EFHC1: variants seen among roughly 807,000 people sequenced by gnomAD.
EFHC1 encodes the protein EF-hand domain-containing protein 1.
EFHC1 carries 53 observed loss-of-function variants against 69.9 expected under a neutral mutation model. That is an observed-to-expected ratio of 0.76 (90% confidence interval 0.61 to 0.95). EFHC1 has a LOEUF of 0.95. Ranked by LOEUF, EFHC1 falls within the 40% of genes least tolerant of loss-of-function variation. The pLI is 0.00. For missense variants in EFHC1, 739 were observed against 798.7 expected, an observed-to-expected ratio of 0.93 and a Z score of 0.90; for synonymous variants, 256 against 278.4, an observed-to-expected ratio of 0.92 and a Z score of 0.80.
intron 5 of EFHC1, among the ~76,000 whole-genome samples, chr6:52,462,975 AACTT>A (rs1581836819): frequency 6.6e-6 from 1 of 151,986 alleles, no homozygotes; most frequent in East Asian, 1.9e-4. Context: ...TAAATTTAAA[AACTT>A]AGGTAAAATG....
intron 9 of EFHC1, chr6:52,489,552 C>T (rs1562465733): frequency 6.4e-6 from 1 of 155,530 alleles, no homozygotes; most frequent in Non-Finnish European, 1.4e-5. Context: ...CTCTTCCCAA[C>T]ACCCTGTGTT....
At chr6:52,430,199 T>C (rs1420843074) in intron 2 of EFHC1, 1 of 152,208 alleles carries the variant, frequency 6.6e-6, no homozygotes, top group East Asian at 1.9e-4. Context: ...GACCTTTATT[T>C]CTTTCTGTTG....
At chr6:52,431,174 T>C (rs1406753655) in intron 2 of EFHC1, among the ~76,000 whole-genome samples, 1 of 152,156 alleles carries the variant, frequency 6.6e-6, no homozygotes, top group Non-Finnish European at 1.5e-5. Context: ...TCTTTTGTTT[T>C]TTTTGTTTGT....
chr6:52,455,170 T>G (rs1454852677), intron 5 of EFHC1, among the ~76,000 whole-genome samples: 1 of 152,166 alleles, frequency 6.6e-6, no homozygotes, highest in African/African-American at 2.4e-5. Context: ...TGTTCACTGT[T>G]TCCTGGGATG....
At position 52,475,008 on chromosome 6, in the gene EFHC1, G is replaced by GTT. The variant is rs111411625; in HGVS notation, c.1279-4018_1279-4017dup. Among the ~76,000 whole-genome samples the GTT allele has an allele frequency of 2.2e-3, 313 of 141,278 alleles. 1 individual carries two copies. The highest frequency in any genetic ancestry group is 4.7e-3 in the African/African-American group (185 of 39,100). The allele number at this position is 141,278 out of a possible 152,430, so 92.7% of individuals were successfully genotyped here. On this transcript the variant is annotated intron_variant, in intron 7 of 10. Transcript: ENST00000371068. ...TTTGATATTTTTATTGTTGTTTTGG[G>GTT]TTTTTTTTTTTTGCAGTTTTCTCTC... is the stretch of plus-strand genomic sequence containing the variant.
intron 4 of EFHC1, 34 bp from the exon 5 acceptor site, chr6:52,454,061 G>A (rs879191258): frequency 1.2e-6 from 2 of 1,611,420 alleles, no homozygotes; most frequent in Non-Finnish European, 1.7e-6. Context: ...CCTACTTTTA[G>A]GATTCTTGAG....
intron 2 of EFHC1, among the ~76,000 whole-genome samples, chr6:52,425,035 TTTA>T (rs1299741544): frequency 6.6e-6 from 1 of 152,188 alleles, no homozygotes; most frequent in Non-Finnish European, 1.5e-5. Context: ...CCAGCCAACT[TTTA>T]TTGAGTACCT....
intron 9 of EFHC1, among the ~76,000 whole-genome samples, chr6:52,489,744 A>G (rs866083561): frequency 2.0e-5 from 3 of 152,224 alleles, no homozygotes; most frequent in Admixed American, 6.5e-5. Flanking sequence ...ATTTATATCT[A>G]TCATCTCTCT....
chr6:52,420,392 G>T lies in EFHC1; in HGVS notation c.-19G>T. On this transcript the variant is annotated 5_prime_UTR_variant, in exon 1 of 11. Coordinates refer to ENST00000371068, the MANE Select transcript of EFHC1 (RefSeq NM_018100.4). ...GAGGACGAAGCAGGACCTAGGTGGC[G>T]GCGGTGGTACCGGCTGCAATGGTGT... 3 of 1,614,258 alleles carry T rather than the reference G, an allele frequency of 1.9e-6. No homozygotes were observed. The highest frequency in any genetic ancestry group is 2.5e-6 in the Non-Finnish European group (3 of 1,180,046).
chr6:52,459,338 A>G (rs1303187120), intron 5 of EFHC1, among the ~76,000 whole-genome samples: 1 of 152,246 alleles, frequency 6.6e-6, no homozygotes, highest in East Asian at 1.9e-4. Context: ...GGTACTTGTC[A>G]TAGGATATAT....
chr6:52,456,476 TCCAGGTTTG>T (rs1363517553), intron 5 of EFHC1, among the ~76,000 whole-genome samples: 7 of 152,200 alleles, frequency 4.6e-5, no homozygotes, highest in African/African-American at 1.7e-4. Flanking sequence ...AATGACAGAT[TCCAGGTTTG>T]TCTCTGCTTT....
Position 52,493,648 on chromosome 6 carries a change from T to C in EFHC1, c.*1307T>C, listed in dbSNP as rs1435462903. On this transcript the variant is annotated 3_prime_UTR_variant, in exon 11 of 11. Transcript: ENST00000371068. ...TCCAGCCTGGGTGACAGAGCAAGAC[T>C]CCATCTCAAAAAAAAAAAGGTTAGA... 2.2e-6 allele frequency: 1 copy of C among 446,840 alleles called. No homozygotes were observed. Among genetic ancestry groups the C allele is most frequent in the Non-Finnish European group, 4.4e-6 (1 of 225,428 alleles). The allele number at this position is 446,840 out of a possible 1,614,324, so 27.7% of individuals were successfully genotyped here. A position where few individuals can be genotyped will look rare whatever the true frequency, so the allele number is the denominator to read the frequency against.
chr6:52,445,839 G>C (rs1764771762), intron 3 of EFHC1, among the ~76,000 whole-genome samples: 1 of 152,292 alleles, frequency 6.6e-6, no homozygotes, highest in East Asian at 1.9e-4. Flanking sequence ...TTCAGGAGCA[G>C]GTTGTTCAAT....
chr6:52,444,656 A>G (rs1030313769), intron 3 of EFHC1, among the ~76,000 whole-genome samples: 2 of 152,174 alleles, frequency 1.3e-5, no homozygotes, highest in Non-Finnish European at 2.9e-5. Context: ...ATCGTGGTGG[A>G]TAGGCTTTTT....
rs889796109 is a variant in EFHC1, at chr6:52,492,570, T to C, written c.*229T>C. On this transcript the variant is annotated 3_prime_UTR_variant, in exon 11 of 11. Coordinates refer to ENST00000371068, the MANE Select transcript of EFHC1 (RefSeq NM_018100.4). The stretch of plus-strand genomic sequence containing the variant: ...CAATGTCTAATTTTGTGTGTCAAAT[T>C]GACTTGGCCACAGGGGGCCCAAATA... The C allele has an allele frequency of 6.5e-5, 43 of 663,350 alleles. No homozygotes were observed. In the African/African-American group the frequency reaches 6.6e-4, roughly 10 times the overall value. The allele number at this position is 663,350 out of a possible 1,614,324, so 41.1% of individuals were successfully genotyped here.
chr6:52,424,169 T>G lies in EFHC1; in HGVS notation c.285+2T>G. On this transcript the variant is annotated splice_donor_variant, in intron 2 of 10. Transcript: ENST00000371068. LOFTEE classifies it high-confidence loss of function. ...GCGCATGTGGCCTTTGACAAAAAGG[T>G]ATCATCTGGAATTTTAGGGTACCCC... 6.2e-7 allele frequency: 1 copy of G among 1,613,598 alleles called. No homozygotes were observed. Among genetic ancestry groups the G allele is most frequent in the Non-Finnish European group, 8.5e-7 (1 of 1,179,754 alleles).
chr6:52,481,093 T>C (rs1472176467), intron 9 of EFHC1, among the ~76,000 whole-genome samples: 1 of 152,094 alleles, frequency 6.6e-6, no homozygotes, highest in Non-Finnish European at 1.5e-5. Flanking sequence ...GAGACGGTGA[T>C]GTTTGGGCCC....
intron 6 of EFHC1, 23 bp downstream of exon 6, chr6:52,465,138 T>G (rs1765274905): frequency 2.5e-6 from 4 of 1,604,976 alleles, no homozygotes; most frequent in Admixed American, 1.7e-5. Context: ...TACTTCTTAG[T>G]GTGGTGAGAA....
At chr6:52,476,053 G>A (rs62407900) in intron 7 of EFHC1, among the ~76,000 whole-genome samples, 2 of 152,148 alleles carry the variant, frequency 1.3e-5, no homozygotes, top group Non-Finnish European at 2.9e-5. Flanking sequence ...ATGTAAGACC[G>A]AGACAGTGTG....
Sources: gnomAD v4.1 joint callset for allele counts (sites outside exome capture counted in the v4.1 genomes callset) on GRCh38, gnomAD v4.1.1 for gene constraint, MANE v1.5 for transcripts, NCBI Gene and HGNC (gene_info 2026-07-23, HGNC 2026-07-21) for gene names.